Variants in SORCS2 observed in about 807,000 individuals in gnomAD.
SORCS2 encodes sortilin related VPS10 domain containing receptor 2.
Under a neutral mutation model 141.6 loss-of-function variants are expected in SORCS2, and 100 were observed. The observed-to-expected ratio is 0.71, with a 90% CI of 0.60 to 0.83. The LOEUF (loss-of-function observed/expected upper bound fraction) is 0.83. SORCS2 is among the 40% of genes least tolerant of loss of function. SORCS2 has a pLI of 0.00. For missense variants in SORCS2, 1,646 were observed against 1,560.2 expected, an observed-to-expected ratio of 1.05 and a Z score of -0.93; for synonymous variants, 789 against 676.9, an observed-to-expected ratio of 1.17 and a Z score of -2.57.
At chr4:7,266,556 C>T (rs905907748) in intron 1 of SORCS2, among the ~76,000 whole-genome samples, 1 of 152,170 alleles carries the variant, frequency 6.6e-6, no homozygotes, top group Non-Finnish European at 1.5e-5. Flanking sequence ...GCATCTGGGG[C>T]CCCTGTCTTT....
At chr4:7,465,001 G>T (rs1364747053) in intron 2 of SORCS2, among the ~76,000 whole-genome samples, 1 of 152,250 alleles carries the variant, frequency 6.6e-6, no homozygotes, top group African/African-American at 2.4e-5. Flanking sequence ...CTAAGTGCTG[G>T]GGGTTCTGCC....
intron 4 of SORCS2, among the ~76,000 whole-genome samples, chr4:7,651,593 A>T (rs1390962043): frequency 6.6e-6 from 1 of 152,230 alleles, no homozygotes; most frequent in Non-Finnish European, 1.5e-5. Context: ...ACCTAGAAAC[A>T]GCGAATGAGA....
intron 2 of SORCS2, among the ~76,000 whole-genome samples, chr4:7,507,171 T>TGTA: frequency 8.3e-6 from 1 of 120,038 alleles, no homozygotes; most frequent in Non-Finnish European, 1.8e-5. Flanking sequence ...TAAATTCTTT[T>TGTA]TTATTATTAT....
intron 3 of SORCS2, among the ~76,000 whole-genome samples, chr4:7,602,280 G>T (rs896366475): frequency 3.3e-5 from 5 of 151,848 alleles, no homozygotes; most frequent in Admixed American, 6.5e-5. Context: ...TCCCGGACGG[G>T]GTGGCTGGCC....
chr4:7,610,391 C>T (rs997920337), intron 3 of SORCS2, among the ~76,000 whole-genome samples: 21 of 152,080 alleles, frequency 1.4e-4, no homozygotes, highest in Non-Finnish European at 2.1e-4. Flanking sequence ...ACCCTGTCCT[C>T]CACCAGGGCC....
At chr4:7,346,960 A>C (rs565274366) in intron 1 of SORCS2, among the ~76,000 whole-genome samples, 12 of 152,218 alleles carry the variant, frequency 7.9e-5, no homozygotes, top group African/African-American at 2.9e-4. Flanking sequence ...TCAGCACTTA[A>C]CACAAAGACT....
At chr4:7,688,645 C>T (rs1392752592) in intron 10 of SORCS2, among the ~76,000 whole-genome samples, 1 of 152,200 alleles carries the variant, frequency 6.6e-6, no homozygotes, top group Non-Finnish European at 1.5e-5. Flanking sequence ...AGTCCAAGCC[C>T]TGCCCTTTCT....
In SORCS2 at chr4:7,305,003, T is replaced by C. The variant is rs542309392; in HGVS notation, c.481-91285T>C. ...ACCCTTGCTGTCGGCTCCAGAGTCGTTCCTTACTCAGGCCGACATTCTGGC... is the reference window on the plus strand; with the variant it reads ...ACCCTTGCTGTCGGCTCCAGAGTCGCTCCTTACTCAGGCCGACATTCTGGC... On this transcript the variant is annotated intron_variant, in intron 1 of 26. Transcript: ENST00000507866. Among the ~76,000 whole-genome samples the C allele has an allele frequency of 7.9e-5, 12 of 151,884 alleles. No individual in the cohort carries two copies. The South Asian group carries it at 2.3e-3, about 29-fold the overall frequency.
At chr4:7,299,033 G>T (rs1388970518) in intron 1 of SORCS2, among the ~76,000 whole-genome samples, 1 of 152,276 alleles carries the variant, frequency 6.6e-6, no homozygotes, top group African/African-American at 2.4e-5. Flanking sequence ...GGCCGTTCTG[G>T]CCCCGCCACC....
intron 2 of SORCS2, among the ~76,000 whole-genome samples, chr4:7,443,271 A>G (rs553684488): frequency 2.0e-4 from 31 of 152,180 alleles, no homozygotes; most frequent in African/African-American, 7.5e-4. Flanking sequence ...CTTAAACTCA[A>G]CTGTGGTTCA....
intron 3 of SORCS2, among the ~76,000 whole-genome samples, chr4:7,620,923 C>T (rs1373221286): frequency 6.6e-6 from 1 of 152,132 alleles, no homozygotes; most frequent in Non-Finnish European, 1.5e-5. Flanking sequence ...GTATTCCAGG[C>T]CCCCGAGTGC....
intron 1 of SORCS2, among the ~76,000 whole-genome samples, chr4:7,335,227 G>C (rs3864201): frequency 0.5 from 76,436 of 152,020 alleles, 19,441 homozygotes; most frequent in East Asian, 0.59. Context: ...GTTTTCACCT[G>C]TTCAATTCCA....
chr4:7,269,099 C>T (rs1346426897), intron 1 of SORCS2, among the ~76,000 whole-genome samples: 5 of 152,036 alleles, frequency 3.3e-5, no homozygotes, highest in Admixed American at 2.0e-4. Context: ...TCAGCATCAG[C>T]GTTGCAGGGC....
chr4:7,217,641 C>T (rs988176743), intron 1 of SORCS2, among the ~76,000 whole-genome samples: 9 of 152,128 alleles, frequency 5.9e-5, no homozygotes, highest in African/African-American at 2.2e-4. Context: ...GCGGCCGCCA[C>T]ACCCTCCACA....
At chr4:7,247,700 G>A (rs983760952) in intron 1 of SORCS2, among the ~76,000 whole-genome samples, 3 of 152,216 alleles carry the variant, frequency 2.0e-5, no homozygotes, top group Admixed American at 2.0e-4. Flanking sequence ...GCAGCGGGGC[G>A]CGGCCTGGGG....
At chr4:7,411,958 C>T (rs777831531) in intron 2 of SORCS2, among the ~76,000 whole-genome samples, 4 of 152,212 alleles carry the variant, frequency 2.6e-5, no homozygotes, top group Non-Finnish European at 5.9e-5. Flanking sequence ...TTTGTGTCTG[C>T]TCCCAGCCCA....
At chr4:7,506,068 CTGGGGTGGGGAGG>C (rs1732260593) in intron 2 of SORCS2, among the ~76,000 whole-genome samples, 1 of 152,164 alleles carries the variant, frequency 6.6e-6, no homozygotes, top group Admixed American at 6.5e-5. Context: ...GGGCACTAAT[CTGGGGTGGGGAGG>C]CTGTGGAAGC....
chr4:7,551,281 A>G (rs1484874241), intron 3 of SORCS2, among the ~76,000 whole-genome samples: 9 of 68,314 alleles, frequency 1.3e-4, no homozygotes, highest in Non-Finnish European at 3.4e-4. Flanking sequence ...CCAGAGTTCC[A>G]TGGGTCTTCT....
At chr4:7,440,304 G>A (rs367968148) in intron 2 of SORCS2, among the ~76,000 whole-genome samples, 28 of 152,180 alleles carry the variant, frequency 1.8e-4, no homozygotes, top group Admixed American at 1.8e-3. Context: ...TAATTGTTCT[G>A]GGGGGACAGA....
Sources: gnomAD v4.1 joint callset for allele counts (sites outside exome capture counted in the v4.1 genomes callset) on GRCh38, gnomAD v4.1.1 for gene constraint, MANE v1.5 for transcripts, NCBI Gene and HGNC (gene_info 2026-07-23, HGNC 2026-07-21) for gene names.